Variants in SCN3A observed in about 807,000 individuals in gnomAD.
The protein encoded by SCN3A is sodium channel protein type 3 subunit alpha.
SCN3A carries 60 observed loss-of-function variants against 187.6 expected under a neutral mutation model. The observed-to-expected ratio is 0.32, with a 90% CI of 0.26 to 0.40. The LOEUF (loss-of-function observed/expected upper bound fraction) is 0.40, where lower values mean the gene tolerates loss of function less well. SCN3A is among the 10% of genes least tolerant of loss of function. The pLI is 1.00. For synonymous variants in SCN3A, 788 were observed against 829.2 expected, an observed-to-expected ratio of 0.95 and a Z score of 0.85; for missense variants, 1,601 against 2,428.2, an observed-to-expected ratio of 0.66 and a Z score of 7.16.
At chr2:165,121,998 A>G (rs1437040037) in intron 18 of SCN3A, among the ~76,000 whole-genome samples, 1 of 152,132 alleles carries the variant, frequency 6.6e-6, no homozygotes, top group Admixed American at 6.5e-5. Context: ...CAAATAACAA[A>G]TGGGTACACT....
At chr2:165,126,844 A>G (rs1264136314) in intron 18 of SCN3A, among the ~76,000 whole-genome samples, 1 of 152,176 alleles carries the variant, frequency 6.6e-6, no homozygotes, top group African/African-American at 2.4e-5. Context: ...TATAATAAGT[A>G]CTACTTGTAC....
At chr2:165,132,396 G>A (rs1008071960) in intron 15 of SCN3A, among the ~76,000 whole-genome samples, 6 of 152,162 alleles carry the variant, frequency 3.9e-5, no homozygotes, top group African/African-American at 1.4e-4. Context: ...CAAGGCTACA[G>A]TAACCAAAAC....
At chr2:165,095,970 G>A (rs968811043) in intron 24 of SCN3A, among the ~76,000 whole-genome samples, 1 of 151,996 alleles carries the variant, frequency 6.6e-6, no homozygotes, top group African/African-American at 2.4e-5. Context: ...GTTTGGTTTT[G>A]GAAATGCTGA....
intron 6 of SCN3A, chr2:165,163,985 G>T: frequency 8.4e-7 from 1 of 1,192,576 alleles, no homozygotes. Context: ...AGCCCTGTGA[G>T]TTTAACAAAT....
At chr2:165,156,766 T>A (rs539575272) in intron 9 of SCN3A, among the ~76,000 whole-genome samples, 2 of 152,254 alleles carry the variant, frequency 1.3e-5, no homozygotes, top group South Asian at 4.1e-4. Context: ...CTGCCCAGGC[T>A]GGTCTGAAAC....
intron 12 of SCN3A, among the ~76,000 whole-genome samples, chr2:165,142,926 A>T (rs915538479): frequency 3.3e-5 from 5 of 151,882 alleles, no homozygotes; most frequent in African/African-American, 1.2e-4. Flanking sequence ...TAAGTTTTGC[A>T]TTTTTAATAG....
At chr2:165,114,289 T>G (rs779730776) in intron 19 of SCN3A, among the ~76,000 whole-genome samples, 2 of 152,228 alleles carry the variant, frequency 1.3e-5, no homozygotes, top group Non-Finnish European at 2.9e-5. Flanking sequence ...TCTCTCAGGT[T>G]TGAGGCAAAA....
intron 12 of SCN3A, among the ~76,000 whole-genome samples, chr2:165,145,743 T>A (rs746491692): frequency 6.6e-6 from 1 of 152,000 alleles, no homozygotes; most frequent in African/African-American, 2.4e-5. Flanking sequence ...TGATTTGCAG[T>A]TTTTGATTAA....
Position 165,087,702 on chromosome 2 carries a change from A to G in SCN3A, c.*2448T>C, listed in dbSNP as rs1187083919. 1 of 152,214 alleles carries G rather than the reference A, an allele frequency of 6.6e-6. No individual in the cohort carries two copies. The highest frequency in any genetic ancestry group is 1.5e-5 in the Non-Finnish European group (1 of 68,022). 9.4% of individuals were successfully genotyped at this position (152,214 alleles called of 1,614,324 possible). ...AAGTTAATATAAATTCTCAATAACT[A>G]TATCATTAATACCTTATGTATACAT... is the stretch of plus-strand genomic sequence containing the variant. On this transcript the variant is annotated 3_prime_UTR_variant, in exon 28 of 28. Transcript: ENST00000283254.
rs751977385 is a variant in SCN3A at position 165,146,985 on chromosome 2, T to G, written c.1425A>C (p.Ile475=). The G allele has an allele frequency of 6.2e-7, 1 of 1,614,058 alleles. No homozygotes were observed. Among genetic ancestry groups the G allele is most frequent in the Admixed American group, 1.7e-5 (1 of 60,008 alleles). The part of the protein sequence containing the change: ...ASAASRDFSG[I]GGLGELLESS... ...TTTCCAACAGCTCTCCTAACCCACCTATTCCACTGAAATCTCTTGAAGCAG... is the reference window on the plus strand; with the variant it reads ...TTTCCAACAGCTCTCCTAACCCACCGATTCCACTGAAATCTCTTGAAGCAG... Residue 475 remains isoleucine, a synonymous_variant, in exon 12 of 28, where the codon ATA becomes ATC. Transcript: ENST00000283254.
intron 1 of SCN3A, among the ~76,000 whole-genome samples, chr2:165,196,183 A>G (rs1461487090): frequency 6.7e-6 from 1 of 149,918 alleles, no homozygotes; most frequent in Non-Finnish European, 1.5e-5. Context: ...TTTGTGTATA[A>G]AGGTTGGATT....
At chr2:165,170,585 A>C in intron 3 of SCN3A, 37 bp from the exon 4 acceptor site, 2 of 1,211,202 alleles carry the variant, frequency 1.7e-6, no homozygotes, top group Non-Finnish European at 2.5e-6. Context: ...ACTAAATTAG[A>C]CATGGGCTTA....
At chr2:165,106,000 A>G (rs1685837309) in intron 21 of SCN3A, among the ~76,000 whole-genome samples, 1 of 152,216 alleles carries the variant, frequency 6.6e-6, no homozygotes, top group East Asian at 1.9e-4. Context: ...ATACATGATT[A>G]GAAAATTCAC....
At chr2:165,095,465 G>T (rs1185710793) in intron 25 of SCN3A, 46 bp downstream of exon 25, 2 of 1,589,246 alleles carry the variant, frequency 1.3e-6, no homozygotes, top group South Asian at 2.2e-5. Flanking sequence ...TGTATTAACA[G>T]ACAGAACCCC....
chr2:165,132,568 G>C (rs1172256330), intron 15 of SCN3A, among the ~76,000 whole-genome samples: 3 of 152,126 alleles, frequency 2.0e-5, no homozygotes, highest in African/African-American at 7.2e-5. Flanking sequence ...TGGGAAAACT[G>C]GCTAGCCATA....
At chr2:165,121,614 C>G (rs566888247) in intron 18 of SCN3A, among the ~76,000 whole-genome samples, 2 of 152,204 alleles carry the variant, frequency 1.3e-5, no homozygotes, top group South Asian at 4.1e-4. Flanking sequence ...TCTCAGTTAT[C>G]CCTAAGGAAA....
chr2:165,112,812 T>C (rs1319930338), intron 21 of SCN3A, 73 bp downstream of exon 21: 11 of 1,325,728 alleles, frequency 8.3e-6, no homozygotes, highest in Non-Finnish European at 1.2e-5. Context: ...AAAGTTTTAA[T>C]AACAGAAACA....
intron 18 of SCN3A, among the ~76,000 whole-genome samples, chr2:165,122,204 C>CT (rs970604658): frequency 2.0e-4 from 25 of 125,034 alleles, no homozygotes; most frequent in South Asian, 8.5e-4. Context: ...TCACCCTATT[C>CT]TTTTTTTTTT....
intron 7 of SCN3A, 32 bp from the exon 8 acceptor site, chr2:165,162,860 A>C: frequency 1.2e-6 from 2 of 1,612,868 alleles, no homozygotes; most frequent in Non-Finnish European, 1.7e-6. Flanking sequence ...TTACCTGAGG[A>C]AGAGTGCCAG....
Sources: gnomAD v4.1 joint callset for allele counts (sites outside exome capture counted in the v4.1 genomes callset) on GRCh38, gnomAD v4.1.1 for gene constraint, MANE v1.5 for transcripts, NCBI Gene and HGNC (gene_info 2026-07-23, HGNC 2026-07-21) for gene names.